TANK: variants seen among roughly 807,000 people sequenced by gnomAD.
TANK encodes TRAF family member associated NFKB activator.
In TANK, 15 loss-of-function variants were observed where a neutral mutation model predicts 43.6. The observed-to-expected ratio is 0.34, with a 90% CI of 0.23 to 0.53. The LOEUF is 0.53. TANK is among the 20% of genes least tolerant of loss of function. The pLI is 0.94. For missense variants in TANK, 417 were observed against 498.6 expected (o/e 0.84, Z 1.56); for synonymous variants, 162 against 178.2 (o/e 0.91, Z 0.73).
chr2:161,194,068 A>G (rs1574016011), intron 2 of TANK, among the ~76,000 whole-genome samples: 1 of 152,168 alleles, frequency 6.6e-6, no homozygotes, highest in East Asian at 1.9e-4. Context: ...CCACTGTTCC[A>G]TGAGAGAAAT....
At chr2:161,207,789 GA>G (rs933599173) in intron 4 of TANK, 328 of 985,170 alleles carry the variant, frequency 3.3e-4, no homozygotes, top group Non-Finnish European at 3.7e-4. Flanking sequence ...CTTCCACAAT[GA>G]AAAAAATCCA....
intron 2 of TANK, among the ~76,000 whole-genome samples, chr2:161,194,646 C>T: frequency 6.6e-6 from 1 of 152,102 alleles, no homozygotes. Flanking sequence ...TGTCAGATTG[C>T]TTTACTCAAG....
chr2:161,201,270 A>C (rs1387916449), intron 2 of TANK: 1 of 935,920 alleles, frequency 1.1e-6, no homozygotes. Context: ...TTTCTTAGCT[A>C]TTGAATACAT....
chr2:161,141,192 CAG>C (rs1299222955), intron 1 of TANK, among the ~76,000 whole-genome samples: 2 of 152,118 alleles, frequency 1.3e-5, no homozygotes, highest in Non-Finnish European at 2.9e-5. Context: ...CAAAAGGAAA[CAG>C]TGTACTATTA....
At chr2:161,232,095 G>A (rs1189519264) in intron 7 of TANK, among the ~76,000 whole-genome samples, 1 of 152,158 alleles carries the variant, frequency 6.6e-6, no homozygotes, top group Non-Finnish European at 1.5e-5. Flanking sequence ...ATCTGGAAAT[G>A]AACATGTAGC....
chr2:161,221,439 A>G (rs182050365), intron 4 of TANK, among the ~76,000 whole-genome samples: 2 of 152,322 alleles, frequency 1.3e-5, no homozygotes, highest in African/African-American at 4.8e-5. Flanking sequence ...GAGATGCTCA[A>G]CAAACTGATT....
intron 2 of TANK, chr2:161,201,168 T>C: frequency 1.0e-6 from 1 of 985,454 alleles, no homozygotes; most frequent in Non-Finnish European, 1.2e-6. Context: ...TTTAAAATTA[T>C]TGTAGACTTT....
intron 1 of TANK, among the ~76,000 whole-genome samples, chr2:161,171,413 A>G (rs554142111): frequency 1.6e-4 from 24 of 152,292 alleles, no homozygotes; most frequent in African/African-American, 5.8e-4. Flanking sequence ...AGTTCTCACA[A>G]TTACTTCTAA....
chr2:161,176,962 C>T (rs934583670), intron 1 of TANK, among the ~76,000 whole-genome samples: 1 of 152,130 alleles, frequency 6.6e-6, no homozygotes, highest in Non-Finnish European at 1.5e-5. Flanking sequence ...CCTGTGACTA[C>T]CTATACTTAC....
upstream of TANK, chr2:161,156,364 T>C: frequency 1.0e-6 from 1 of 985,460 alleles, no homozygotes; most frequent in African/African-American, 1.7e-5. Flanking sequence ...TTATCCAACT[T>C]TGGTTTTATT....
At chr2:161,161,158 G>A in intron 1 of TANK, 1 of 1,438,568 alleles carries the variant, frequency 7.0e-7, no homozygotes, top group South Asian at 1.5e-5. Flanking sequence ...AGGCAAAAAA[G>A]CTGTGCTTTT....
chr2:161,142,102 T>C (rs1033549878), intron 1 of TANK, among the ~76,000 whole-genome samples: 8 of 152,234 alleles, frequency 5.3e-5, no homozygotes, highest in Non-Finnish European at 8.8e-5. Flanking sequence ...TTTTTCCATA[T>C]GTTTGTTGGC....
chr2:161,199,096 T>G (rs1417085228), intron 2 of TANK, among the ~76,000 whole-genome samples: 1 of 152,178 alleles, frequency 6.6e-6, no homozygotes, highest in Admixed American at 6.5e-5. Flanking sequence ...GTGCTATGTA[T>G]TAGGATAATT....
Position 161,193,600 on chromosome 2 carries a change from A to G in TANK, c.100-9887A>G, listed in dbSNP as rs181750905. ...ATAAATAAGTTCTCTCTTTTGTAGC[A>G]GTCCACAGGTGACTAGAACAGGGCT... On this transcript the variant is annotated intron_variant, in intron 2 of 7. Coordinates refer to ENST00000392749, the MANE Select transcript of TANK (RefSeq NM_001199135.3). 2.2e-3 allele frequency among the ~76,000 whole-genome samples: 341 copies of G among 152,348 alleles called. 1 individual carries two copies. Among genetic ancestry groups the G allele is most frequent in the Non-Finnish European group, 3.7e-3 (250 of 68,022 alleles).
intron 4 of TANK, chr2:161,207,834 C>A: frequency 6.1e-6 from 6 of 985,278 alleles, no homozygotes; most frequent in Non-Finnish European, 7.2e-6. Context: ...TATGCACCCA[C>A]ATGGATGAGA....
intron 1 of TANK, chr2:161,161,720 T>C (rs1573962423): frequency 3.5e-6 from 1 of 285,472 alleles, no homozygotes; most frequent in Non-Finnish European, 6.7e-6. Context: ...TACTGCATTG[T>C]GTAGATGTAC....
intron 2 of TANK, among the ~76,000 whole-genome samples, chr2:161,200,818 G>T (rs1686372533): frequency 6.7e-6 from 1 of 149,796 alleles, no homozygotes; most frequent in Admixed American, 6.7e-5. Context: ...GTGAAAGCAA[G>T]TTTATTAAGA....
intron 1 of TANK, chr2:161,161,276 A>G: frequency 2.6e-6 from 4 of 1,550,402 alleles, no homozygotes; most frequent in Non-Finnish European, 3.5e-6. Context: ...TGTTTATCTC[A>G]CCTCACAGGA....
intron 1 of TANK, among the ~76,000 whole-genome samples, chr2:161,166,195 C>A (rs963176853): frequency 6.6e-6 from 1 of 152,166 alleles, no homozygotes; most frequent in Non-Finnish European, 1.5e-5. Context: ...TGGAAAAATA[C>A]AAAATTCAAA....
Sources: gnomAD v4.1 joint callset for allele counts (sites outside exome capture counted in the v4.1 genomes callset) on GRCh38, gnomAD v4.1.1 for gene constraint, MANE v1.5 for transcripts, NCBI Gene and HGNC (gene_info 2026-07-23, HGNC 2026-07-21) for gene names.